CDS1: variants seen among roughly 807,000 people sequenced by gnomAD.
The protein encoded by CDS1 is phosphatidate cytidylyltransferase 1.
Under a neutral mutation model 62.1 loss-of-function variants are expected in CDS1, and 41 were observed. The observed-to-expected ratio is 0.66, with a 90% CI of 0.51 to 0.86. The LOEUF (loss-of-function observed/expected upper bound fraction) is 0.86, where lower values mean the gene tolerates loss of function less well. Among genes scored for constraint, CDS1 ranks in the 40% least tolerant of loss-of-function variants. The pLI is 0.00. For missense variants in CDS1, 470 were observed against 550.1 expected, an observed-to-expected ratio of 0.85 and a Z score of 1.46; for synonymous variants, 185 against 192.6, an observed-to-expected ratio of 0.96 and a Z score of 0.32.
At chr4:84,625,801 C>T (rs1175956770) in intron 5 of CDS1, among the ~76,000 whole-genome samples, 1 of 151,620 alleles carries the variant, frequency 6.6e-6, no homozygotes, top group East Asian at 1.9e-4. Flanking sequence ...TAGGAAGTTA[C>T]TACTGTAATC....
chr4:84,628,760 C>T (rs949729756), intron 5 of CDS1, among the ~76,000 whole-genome samples: 1 of 152,162 alleles, frequency 6.6e-6, no homozygotes, highest in African/African-American at 2.4e-5. Context: ...GTCTTGAACT[C>T]ATGGCCTCAA....
At chr4:84,600,450 T>C (rs1486882621) in intron 1 of CDS1, among the ~76,000 whole-genome samples, 2 of 152,258 alleles carry the variant, frequency 1.3e-5, no homozygotes, top group Non-Finnish European at 2.9e-5. Flanking sequence ...AGAGAGTTTA[T>C]GTAAGATTTA....
chr4:84,585,740 A>G (rs910087332), intron 1 of CDS1, among the ~76,000 whole-genome samples: 1 of 152,222 alleles, frequency 6.6e-6, no homozygotes, highest in Non-Finnish European at 1.5e-5. Flanking sequence ...TGCTGAGAGA[A>G]GGCTCTGTAC....
In CDS1 at chr4:84,617,453, A is replaced by G; in HGVS notation, c.343-111A>G. The stretch of plus-strand genomic sequence containing the variant: ...TTTTACTGACATTTAGCATAATTAA[A>G]CATTGGTAGATTAAGATTTTTTAAA... On this transcript the variant is annotated intron_variant, in intron 3 of 12. Transcript: ENST00000295887. 6.4e-6 allele frequency: 4 copies of G among 629,278 alleles called. No individual in the cohort carries two copies. In the South Asian group the frequency reaches 7.7e-5, roughly 12 times the overall value. The allele number at this position is 629,278 out of a possible 1,614,324, so 39.0% of individuals were successfully genotyped here. A position where few individuals can be genotyped will look rare whatever the true frequency, so the allele number is the denominator to read the frequency against.
At chr4:84,612,559 A>AT (rs1367720326) in intron 3 of CDS1, among the ~76,000 whole-genome samples, 2 of 152,144 alleles carry the variant, frequency 1.3e-5, no homozygotes, top group South Asian at 2.1e-4. Flanking sequence ...TTGGATTCTG[A>AT]TTTTTTAAGA....
In CDS1 at chr4:84,640,868, T is replaced by G. The variant is rs1307305659; in HGVS notation, c.910T>G (p.Phe304Val). The G allele has an allele frequency of 1.9e-6, 3 of 1,603,630 alleles. No individual in the cohort carries two copies. Among genetic ancestry groups the G allele is most frequent in the Middle Eastern group, 3.3e-4 (2 of 6,028 alleles). The change falls in exon 10 of 13, where the codon TTT (phenylalanine) becomes GTT (valine). Residue 304 changes from phenylalanine (F) to valine (V), a missense_variant. Around this residue, in one of 5 missense-constraint regions of CDS1, gnomAD observed 214 missense variants for 242.4 expected, o/e 0.88. Coordinates refer to ENST00000295887, the MANE Select transcript of CDS1 (RefSeq NM_001263.4). Reference sequence around the variant, plus strand: ...CTATGTGTTATCCAAATACCAGTACTTTGTCTGCCCAGTGGAATACCGAAG... The same window carrying G: ...CTATGTGTTATCCAAATACCAGTACGTTGTCTGCCCAGTGGAATACCGAAG... ...AAYVLSKYQY[F>V]VCPVEYRSDV...
At chr4:84,604,165 A>G (rs1723019850) in intron 1 of CDS1, 78 bp from the exon 2 acceptor site, 2 of 1,190,448 alleles carry the variant, frequency 1.7e-6, no homozygotes, top group Admixed American at 2.1e-5. Context: ...TGACACACTG[A>G]GCAATAAATG....
At chr4:84,584,160 A>C (rs1273303436) in intron 1 of CDS1, among the ~76,000 whole-genome samples, 1 of 152,202 alleles carries the variant, frequency 6.6e-6, no homozygotes, top group Non-Finnish European at 1.5e-5. Flanking sequence ...ACGTTAATTC[A>C]TGAAGACTTT....
At chr4:84,586,489 G>T (rs1404136764) in intron 1 of CDS1, among the ~76,000 whole-genome samples, 1 of 152,096 alleles carries the variant, frequency 6.6e-6, no homozygotes, top group Admixed American at 6.5e-5. Context: ...TCACAACAGG[G>T]TTCAAGCTCC....
intron 8 of CDS1, among the ~76,000 whole-genome samples, chr4:84,638,021 T>C (rs1037378503): frequency 5.3e-5 from 8 of 152,230 alleles, no homozygotes; most frequent in East Asian, 3.8e-4. Context: ...AGAGCTCCTA[T>C]AGGTTAACCC....
chr4:84,603,656 G>A (rs1164081475), intron 1 of CDS1, among the ~76,000 whole-genome samples: 1 of 152,042 alleles, frequency 6.6e-6, no homozygotes, highest in Admixed American at 6.6e-5. Flanking sequence ...CTCAGAAGTC[G>A]GTTTGTGTTT....
chr4:84,646,124 T>C (rs961041024), intron 12 of CDS1, among the ~76,000 whole-genome samples: 1 of 152,220 alleles, frequency 6.6e-6, no homozygotes, highest in Non-Finnish European at 1.5e-5. Flanking sequence ...ATGGATTTCC[T>C]TCATAGTACT....
intron 6 of CDS1, among the ~76,000 whole-genome samples, chr4:84,632,139 G>A (rs141069815): frequency 2.3e-4 from 35 of 152,124 alleles, no homozygotes; most frequent in Non-Finnish European, 4.6e-4. Flanking sequence ...AAAGTTTTTG[G>A]GTTCCTTAAA....
chr4:84,594,861 C>T (rs577011024), intron 1 of CDS1, among the ~76,000 whole-genome samples: 52 of 152,218 alleles, frequency 3.4e-4, no homozygotes, highest in Admixed American at 9.2e-4. Context: ...GGACCACAGG[C>T]ATGCACCACC....
At chr4:84,600,006 C>T (rs772935107) in intron 1 of CDS1, among the ~76,000 whole-genome samples, 17 of 152,166 alleles carry the variant, frequency 1.1e-4, no homozygotes, top group African/African-American at 3.1e-4. Flanking sequence ...ACCGGCAGTG[C>T]GCAAGCCTTT....
intron 8 of CDS1, among the ~76,000 whole-genome samples, chr4:84,637,963 A>G (rs1259075368): frequency 2.0e-5 from 3 of 152,152 alleles, no homozygotes; most frequent in African/African-American, 4.8e-5. Flanking sequence ...ATTTCTGCCA[A>G]CTGTTTTGGT....
chr4:84,617,819 T>C (rs978001932), intron 4 of CDS1, among the ~76,000 whole-genome samples, 158 bp downstream of exon 4: 1 of 152,192 alleles, frequency 6.6e-6, no homozygotes, highest in Admixed American at 6.5e-5. Flanking sequence ...AAAGATCACC[T>C]TTGTCTTTCC....
chr4:84,621,209 G>C (rs1723676875), intron 5 of CDS1, among the ~76,000 whole-genome samples: 1 of 152,160 alleles, frequency 6.6e-6, no homozygotes, highest in Admixed American at 6.5e-5. Flanking sequence ...AAGTTTGTTT[G>C]TGAGTTTTCA....
In CDS1 at chr4:84,650,988, AGTT is replaced by A. The variant is rs894073514; in HGVS notation, c.*2306_*2308del. The A allele has an allele frequency of 1.2e-4, 19 of 152,154 alleles. No homozygotes were observed. The highest frequency in any genetic ancestry group is 1.2e-4 in the Non-Finnish European group (8 of 68,032). 9.4% of individuals were successfully genotyped at this position (152,154 alleles called of 1,614,324 possible). ...AGGAAGTTCTTTCACAGTAATGCCT[AGTT>A]GTTCCAAATTTGCTATATTTGGAGG... On this transcript the variant is annotated 3_prime_UTR_variant, in exon 13 of 13. Coordinates refer to ENST00000295887, the MANE Select transcript of CDS1 (RefSeq NM_001263.4).
Sources: gnomAD v4.1 joint callset for allele counts (sites outside exome capture counted in the v4.1 genomes callset) on GRCh38, gnomAD v4.1.1 for gene constraint, gnomAD v4.1.1 regional missense constraint, MANE v1.5 for transcripts, NCBI Gene and HGNC (gene_info 2026-07-23, HGNC 2026-07-21) for gene names.